The following RYR2 variants were observed in gnomAD, a reference collection of about 807,000 sequenced individuals.
RYR2 encodes the protein cardiac muscle ryanodine receptor-calcium release channel.
A neutral mutation model predicts 601.1 loss-of-function variants in RYR2; 227 were observed. The ratio of observed to expected loss-of-function variants is 0.38; its 90% CI spans 0.34 to 0.42. The LOEUF is 0.42. RYR2 is among the 10% of genes least tolerant of loss of function. The probability of loss-of-function intolerance (pLI) is 1.00; values close to 1 mark genes in which losing one functional copy is unlikely to be tolerated. For missense variants in RYR2, 4,646 were observed against 6,156.5 expected (o/e 0.75, Z 8.21); for synonymous variants, 2,223 against 2,175.1 (o/e 1.02, Z -0.61).
At chr1:237,270,665 G>T in intron 2 of RYR2, 49 bp downstream of exon 2, 2 of 1,546,136 alleles carry the variant, frequency 1.3e-6, no homozygotes, top group South Asian at 1.2e-5. Flanking sequence ...TTTTACTAGT[G>T]GCATTGAAGT....
At chr1:237,464,885 C>T (rs540130162) in intron 16 of RYR2, among the ~76,000 whole-genome samples, 1 of 152,258 alleles carries the variant, frequency 6.6e-6, no homozygotes, top group East Asian at 1.9e-4. Flanking sequence ...CTTATTTAGG[C>T]ACATTTAGGC....
chr1:237,273,382 C>A lies in RYR2; in HGVS notation c.168+2766C>A, dbSNP rs1242135195. ...AAGCTTGCCTGCTGCTCACTTCCGG[C>A]TCTGTGGCCTGGTTCCTAAGGGGCC... On this transcript the variant is annotated intron_variant, in intron 2 of 104. Transcript: ENST00000366574. Among the ~76,000 whole-genome samples, 3 of 152,194 alleles carry A rather than the reference C, an allele frequency of 2.0e-5. No homozygotes were observed. The East Asian group carries it at 5.8e-4, about 29-fold the overall frequency.
intron 88 of RYR2, among the ~76,000 whole-genome samples, chr1:237,779,567 GTC>G (rs895076758): frequency 9.9e-5 from 15 of 152,272 alleles, no homozygotes; most frequent in Admixed American, 5.2e-4. Context: ...TGTGGGCCAG[GTC>G]TCTCTTCCCT....
chr1:237,584,649 G>GTTTTTTGTTTTTTTTTTTT (rs763528934), intron 29 of RYR2, among the ~76,000 whole-genome samples: 1 of 72,468 alleles, frequency 1.4e-5, no homozygotes, highest in Non-Finnish European at 2.5e-5. Context: ...CTCACCACCT[G>GTTTTTTGTTTTTTTTTTTT]TTTTTTTTTT....
chr1:237,596,250 T>C (rs1304905449), intron 34 of RYR2, among the ~76,000 whole-genome samples: 3 of 152,028 alleles, frequency 2.0e-5, no homozygotes, highest in Non-Finnish European at 4.4e-5. Context: ...AAAATAATGA[T>C]CTTAAGGGAA....
At chr1:237,603,306 A>C (rs77870189) in intron 35 of RYR2, among the ~76,000 whole-genome samples, 3 of 152,120 alleles carry the variant, frequency 2.0e-5, no homozygotes, top group Admixed American at 2.0e-4. Context: ...AGCCATGAGA[A>C]GTGTAGAATA....
intron 1 of RYR2, among the ~76,000 whole-genome samples, chr1:237,193,949 T>A (rs559586233): frequency 3.8e-4 from 58 of 152,350 alleles, no homozygotes; most frequent in Non-Finnish European, 6.8e-4. Flanking sequence ...AACATTCTCA[T>A]AACTTTTCAT....
In RYR2 at chr1:237,502,050, C is replaced by T. The variant is rs116019982; in HGVS notation, c.2396+1147C>T. Among the ~76,000 whole-genome samples the T allele has an allele frequency of 9.9e-3, 1,506 of 152,112 alleles. 27 individuals are homozygous for T. Among genetic ancestry groups the T allele is most frequent in the African/African-American group, 0.032 (1,327 of 41,488 alleles). ...TTGTATGCCTGTAGTCTTAGCTACCCGGGAGGCTGAGTTGGGAGGATCACT... is the reference window on the plus strand; with the variant it reads ...TTGTATGCCTGTAGTCTTAGCTACCTGGGAGGCTGAGTTGGGAGGATCACT... On this transcript the variant is annotated intron_variant, in intron 21 of 104. Coordinates refer to ENST00000366574, the MANE Select transcript of RYR2 (RefSeq NM_001035.3).
chr1:237,108,160 A>G (rs1182594697), intron 1 of RYR2, among the ~76,000 whole-genome samples: 1 of 152,116 alleles, frequency 6.6e-6, no homozygotes, highest in Non-Finnish European at 1.5e-5. Flanking sequence ...GGGAATAAGA[A>G]TCTCCTGGGC....
chr1:237,442,872 G>A (rs1311631873), intron 13 of RYR2, among the ~76,000 whole-genome samples: 1 of 152,070 alleles, frequency 6.6e-6, no homozygotes, highest in Non-Finnish European at 1.5e-5. Context: ...TATATAACTC[G>A]AACTAGATGA....
intron 1 of RYR2, among the ~76,000 whole-genome samples, chr1:237,160,917 C>T (rs1003510061): frequency 2.0e-5 from 3 of 152,060 alleles, no homozygotes; most frequent in African/African-American, 7.2e-5. Context: ...TCCACAAAGG[C>T]TTATTCACAT....
intron 58 of RYR2, among the ~76,000 whole-genome samples, chr1:237,670,404 A>T (rs916579516): frequency 6.6e-6 from 1 of 152,140 alleles, no homozygotes; most frequent in African/African-American, 2.4e-5. Context: ...AATGCTGCTC[A>T]GGGATAATAT....
chr1:237,687,366 CTTTTTTT>C (rs10679267), intron 62 of RYR2, 82 bp from the exon 63 acceptor site: 3 of 257,686 alleles, frequency 1.2e-5, no homozygotes, highest in Non-Finnish European at 2.1e-5. Flanking sequence ...TTTTCTTCTT[CTTTTTTT>C]TTTTTTTTTT....
chr1:237,061,275 T>TA (rs1662836284), intron 1 of RYR2, among the ~76,000 whole-genome samples: 1 of 119,772 alleles, frequency 8.3e-6, no homozygotes, highest in East Asian at 2.3e-4. Context: ...TATCCATCTA[T>TA]CATCTATCTA....
chr1:237,665,082 C>G (rs1308379947), intron 56 of RYR2, among the ~76,000 whole-genome samples: 1 of 152,152 alleles, frequency 6.6e-6, no homozygotes, highest in Admixed American at 6.5e-5. Context: ...ACCTTTGAGG[C>G]TGGTGGCCTA....
intron 1 of RYR2, among the ~76,000 whole-genome samples, chr1:237,227,840 T>G (rs949950572): frequency 1.3e-5 from 2 of 152,268 alleles, no homozygotes; most frequent in Non-Finnish European, 2.9e-5. Context: ...TTAATCTTTC[T>G]TAAATAAATG....
At position 237,815,843 on chromosome 1, in the gene RYR2, C is replaced by G. The variant is rs148275794; in HGVS notation, c.14434-3193C>G. On this transcript the variant is annotated intron_variant, in intron 100 of 104. Coordinates refer to ENST00000366574, the MANE Select transcript of RYR2 (RefSeq NM_001035.3). ...ATGTACGAGTCAGAATACCAACATG[C>G]TACTCATTAAAAGTTAATGCAACAA... Among the ~76,000 whole-genome samples, 30 of 152,262 alleles carry G rather than the reference C, an allele frequency of 2.0e-4. No homozygotes were observed. The East Asian group carries it at 5.6e-3, about 28-fold the overall frequency.
rs1425728342 is a variant in RYR2 at position 237,773,543 on chromosome 1, G to C, written c.11670G>C (p.Trp3890Cys). The change falls in exon 87 of 105, where the codon TGG (tryptophan) becomes TGC (cysteine). Residue 3890 changes from tryptophan (W) to cysteine (C), a missense_variant. Trp to Cys is a radical substitution (Grantham distance 215, BLOSUM62 -2). Around this residue, in one of 17 missense-constraint regions of RYR2, gnomAD observed 90 missense variants for 213.3 expected, o/e 0.42. Coordinates refer to ENST00000366574, the MANE Select transcript of RYR2 (RefSeq NM_001035.3). ...AGGAATCAATTAGTGACTTTTATTG[G>C]TATTACTCTGGGAAAGATGTTATTG... ...RVQESISDFY[W>C]YYSGKDVIDE... 2 of 1,589,302 alleles carry C rather than the reference G, an allele frequency of 1.3e-6. No homozygotes were observed. Among genetic ancestry groups the C allele is most frequent in the Non-Finnish European group, 1.7e-6 (2 of 1,158,002 alleles).
intron 32 of RYR2, among the ~76,000 whole-genome samples, chr1:237,592,904 C>T (rs1269628091): frequency 6.6e-6 from 1 of 151,482 alleles, no homozygotes; most frequent in African/African-American, 2.4e-5. Flanking sequence ...ACCTGTAGTC[C>T]CAGCTACTCG....
Sources: gnomAD v4.1 joint callset for allele counts (sites outside exome capture counted in the v4.1 genomes callset) on GRCh38, gnomAD v4.1.1 for gene constraint, gnomAD v4.1.1 regional missense constraint, MANE v1.5 for transcripts, NCBI Gene and HGNC (gene_info 2026-07-23, HGNC 2026-07-21) for gene names.